PLCXD3: variants seen among roughly 807,000 people sequenced by gnomAD.
PLCXD3 encodes the protein PI-PLC X domain-containing protein 3.
Under a neutral mutation model 25.5 loss-of-function variants are expected in PLCXD3, and 19 were observed. That is an observed-to-expected ratio of 0.75 (90% CI 0.52 to 1.09). The LOEUF is 1.09. PLCXD3 is among the 50% of genes least tolerant of loss of function. The pLI, the probability that PLCXD3 is intolerant of heterozygous loss-of-function variation, is 0.00. For synonymous variants in PLCXD3, 174 were observed against 137.6 expected (o/e 1.26, Z -1.85); for missense variants, 411 against 388.1 (o/e 1.06, Z -0.50).
At chr5:41,491,729 C>A (rs1484813994) in intron 1 of PLCXD3, among the ~76,000 whole-genome samples, 2 of 151,960 alleles carry the variant, frequency 1.3e-5, no homozygotes, top group Admixed American at 1.3e-4. Flanking sequence ...GGTTTAAAGT[C>A]TGTTTTATCA....
intron 2 of PLCXD3, among the ~76,000 whole-genome samples, chr5:41,363,978 A>G (rs1332975968): frequency 6.6e-6 from 1 of 152,242 alleles, no homozygotes; most frequent in Non-Finnish European, 1.5e-5. Context: ...GTGTAAAGAA[A>G]TAGAGCATCT....
chr5:41,499,310 C>A (rs1261329809), intron 1 of PLCXD3, among the ~76,000 whole-genome samples: 1 of 151,414 alleles, frequency 6.6e-6, no homozygotes, highest in African/African-American at 2.4e-5. Flanking sequence ...TTGCAGAATA[C>A]AAAATCAACA....
chr5:41,451,966 A>G (rs2150514415), intron 1 of PLCXD3, among the ~76,000 whole-genome samples: 1 of 152,134 alleles, frequency 6.6e-6, no homozygotes. Context: ...GCATGTTGAG[A>G]AACAGGTATC....
At chr5:41,389,315 C>T (rs1271119654) in intron 1 of PLCXD3, among the ~76,000 whole-genome samples, 2 of 152,156 alleles carry the variant, frequency 1.3e-5, no homozygotes, top group African/African-American at 2.4e-5. Flanking sequence ...GTCTTTACTA[C>T]TTCCTTGCTT....
intron 2 of PLCXD3, among the ~76,000 whole-genome samples, chr5:41,343,987 T>C (rs1202620558): frequency 6.6e-6 from 1 of 152,116 alleles, no homozygotes; most frequent in Non-Finnish European, 1.5e-5. Flanking sequence ...TCTTACGTTC[T>C]TGTATTTGCT....
intron 2 of PLCXD3, among the ~76,000 whole-genome samples, chr5:41,372,298 TCACA>T (rs71608605): frequency 0.047 from 5,187 of 110,342 alleles, 114 homozygotes; most frequent in Admixed American, 0.068. Context: ...TCTCTCTCTC[TCACA>T]CACACACACA....
chr5:41,422,152 A>G (rs1015846187), intron 1 of PLCXD3, among the ~76,000 whole-genome samples: 3 of 152,230 alleles, frequency 2.0e-5, no homozygotes, highest in Non-Finnish European at 4.4e-5. Context: ...TTGGAACTCC[A>G]TATTTCTGAA....
intron 1 of PLCXD3, among the ~76,000 whole-genome samples, chr5:41,473,619 A>AT (rs540598906): frequency 6.1e-4 from 91 of 148,658 alleles, no homozygotes; most frequent in East Asian, 3.2e-3. Flanking sequence ...CGCCCCGCTA[A>AT]TTTTTTTTTT....
At chr5:41,455,289 T>A (rs1177869939) in intron 1 of PLCXD3, among the ~76,000 whole-genome samples, 1 of 151,962 alleles carries the variant, frequency 6.6e-6, no homozygotes, top group Non-Finnish European at 1.5e-5. Context: ...ACAGCAGTTC[T>A]AGGAAACTCA....
chr5:41,403,650 C>T (rs376533475), intron 1 of PLCXD3, among the ~76,000 whole-genome samples: 32 of 104,032 alleles, frequency 3.1e-4, no homozygotes, highest in African/African-American at 1.1e-3. Context: ...TGAGAATATG[C>T]GGTGTTTGGT....
At chr5:41,446,541 T>C (rs1024919552) in intron 1 of PLCXD3, among the ~76,000 whole-genome samples, 1 of 152,016 alleles carries the variant, frequency 6.6e-6, no homozygotes, top group African/African-American at 2.4e-5. Flanking sequence ...TAGTTTCTTT[T>C]TTTTTTTTTC....
intron 1 of PLCXD3, among the ~76,000 whole-genome samples, chr5:41,412,583 C>A (rs1240050364): frequency 3.9e-5 from 6 of 152,156 alleles, no homozygotes; most frequent in Non-Finnish European, 7.4e-5. Context: ...CTTTGCCACT[C>A]GCCCTTGATA....
intron 1 of PLCXD3, among the ~76,000 whole-genome samples, chr5:41,386,655 TC>T (rs1580342063): frequency 3.3e-5 from 5 of 152,000 alleles, no homozygotes; most frequent in Admixed American, 2.0e-4. Context: ...GCAGACAAGC[TC>T]TTAAAAGAGA....
intron 2 of PLCXD3, among the ~76,000 whole-genome samples, chr5:41,371,216 A>C (rs779472516): frequency 7.2e-5 from 11 of 152,196 alleles, no homozygotes; most frequent in Non-Finnish European, 1.5e-4. Flanking sequence ...ACTAATTTAT[A>C]CTAGAGGCTT....
rs71608608 is a variant in PLCXD3 at position 41,496,627 on chromosome 5, C to CAAAAAAAAAAAAAAAAAAACAA, written c.103+13796_103+13797insTTGTTTTTTTTTTTTTTTTTTT. 1.7e-5 allele frequency among the ~76,000 whole-genome samples: 2 copies of CAAAAAAAAAAAAAAAAAAACAA among 114,740 alleles called. 1 individual carries two copies. Among genetic ancestry groups the CAAAAAAAAAAAAAAAAAAACAA allele is most frequent in the Non-Finnish European group, 3.7e-5 (2 of 53,834 alleles). The allele number at this position is 114,740 out of a possible 152,430, so 75.3% of individuals were successfully genotyped here. A position where few individuals can be genotyped will look rare whatever the true frequency, so the allele number is the denominator to read the frequency against. On this transcript the variant is annotated intron_variant, in intron 1 of 2. Coordinates refer to ENST00000377801, the MANE Select transcript of PLCXD3 (RefSeq NM_001005473.3). ...AGGAAAGGTAAAGCTTTTCCCAGAC[C>CAAAAAAAAAAAAAAAAAAACAA]AAAAAAAAAAAAAAAAGCCTAGAAA... is the stretch of plus-strand genomic sequence containing the variant.
intron 2 of PLCXD3, among the ~76,000 whole-genome samples, chr5:41,360,026 AT>A (rs1330573822): frequency 1.3e-5 from 2 of 152,048 alleles, no homozygotes; most frequent in African/African-American, 4.8e-5. Context: ...GCCTTTGTTC[AT>A]TTTTTTAAAA....
chr5:41,438,188 T>C (rs1336963905), intron 1 of PLCXD3, among the ~76,000 whole-genome samples: 2 of 152,198 alleles, frequency 1.3e-5, no homozygotes, highest in East Asian at 1.9e-4. Flanking sequence ...GACAGACTTA[T>C]GTGAGAAGAA....
At chr5:41,394,174 A>G (rs1451772436) in intron 1 of PLCXD3, among the ~76,000 whole-genome samples, 1 of 152,172 alleles carries the variant, frequency 6.6e-6, no homozygotes, top group East Asian at 1.9e-4. Flanking sequence ...AGTTTTTATT[A>G]GTTTTCTTTC....
chr5:41,377,549 C>T (rs1380090729), intron 2 of PLCXD3, among the ~76,000 whole-genome samples: 2 of 151,880 alleles, frequency 1.3e-5, no homozygotes, highest in Admixed American at 1.3e-4. Context: ...GTGTGAATTG[C>T]ATGGGGGTGA....
Sources: allele counts gnomAD v4.1 joint callset (sites outside exome capture counted in the v4.1 genomes callset), GRCh38; gene constraint gnomAD v4.1.1; transcripts MANE v1.5; gene names NCBI Gene and HGNC (gene_info 2026-07-23, HGNC 2026-07-21).